Variants in CPEB1 observed in about 807,000 individuals in gnomAD.
CPEB1 encodes cytoplasmic polyadenylation element binding protein 1, also known as cytoplasmic polyadenylation element-binding protein 1.
A neutral mutation model predicts 65.8 loss-of-function variants in CPEB1; 7 were observed. The observed-to-expected ratio is 0.11, with a 90% CI of 0.06 to 0.20. CPEB1 has a LOEUF of 0.20. Ranked by LOEUF, CPEB1 falls within the 10% of genes least tolerant of loss-of-function variation. The probability of loss-of-function intolerance (pLI) is 1.00; values close to 1 mark genes in which losing one functional copy is unlikely to be tolerated. For synonymous variants in CPEB1, 262 were observed against 260.0 expected, an observed-to-expected ratio of 1.01 and a Z score of -0.08; for missense variants, 551 against 712.2, an observed-to-expected ratio of 0.77 and a Z score of 2.58.
intron 3 of CPEB1, 197 bp from the exon 4 acceptor site, chr15:82,571,729 C>G: frequency 1.4e-6 from 2 of 1,422,872 alleles, no homozygotes; most frequent in Non-Finnish European, 1.8e-6. Context: ...GCCCCCTCCC[C>G]TCACACACAC....
intron 3 of CPEB1, among the ~76,000 whole-genome samples, chr15:82,575,868 T>C (rs1389007930): frequency 1.3e-5 from 2 of 152,172 alleles, no homozygotes; most frequent in Non-Finnish European, 2.9e-5. Context: ...CGCTTATATA[T>C]TTTCTTCCTT....
At chr15:82,603,183 G>A (rs1354354713) in intron 3 of CPEB1, among the ~76,000 whole-genome samples, 1 of 151,886 alleles carries the variant, frequency 6.6e-6, no homozygotes, top group African/African-American at 2.4e-5. Context: ...AAAATTAGCA[G>A]CCTGGAAGCC....
rs2045411700 is a variant in CPEB1 at position 82,622,684 on chromosome 15, T to C, written c.271+4509A>G. ...TGAGATTACTACAGGCATGAGTCAC[T>C]GCACCCAGCCCACATCTCTTCTTCA... On this transcript the variant is annotated intron_variant, in intron 3 of 12. Coordinates refer to ENST00000684509, the MANE Select transcript of CPEB1 (RefSeq NM_001365242.1). Among the ~76,000 whole-genome samples the C allele has an allele frequency of 3.3e-5, 5 of 152,192 alleles. No homozygotes were observed. In the South Asian group the frequency reaches 1.0e-3, roughly 32 times the overall value.
intron 9 of CPEB1, among the ~76,000 whole-genome samples, chr15:82,550,778 A>G (rs903045863): frequency 7.9e-5 from 12 of 152,240 alleles, no homozygotes; most frequent in African/African-American, 2.9e-4. Flanking sequence ...CTAGAAAAGA[A>G]GAAGGGAGTC....
At chr15:82,578,481 T>C (rs1419960658) in intron 3 of CPEB1, among the ~76,000 whole-genome samples, 7 of 152,016 alleles carry the variant, frequency 4.6e-5, no homozygotes, top group African/African-American at 1.7e-4. Flanking sequence ...AAATTCCAAG[T>C]TGGTGGGCAC....
At chr15:82,571,227 A>G in intron 4 of CPEB1, 117 bp downstream of exon 4, 1 of 1,305,978 alleles carries the variant, frequency 7.7e-7, no homozygotes, top group Non-Finnish European at 1.0e-6. Flanking sequence ...TCCATGTTGT[A>G]TGTGTGTATG....
chr15:82,579,022 C>G (rs2040958280), intron 3 of CPEB1, among the ~76,000 whole-genome samples: 1 of 152,086 alleles, frequency 6.6e-6, no homozygotes, highest in Non-Finnish European at 1.5e-5. Context: ...AGGGTTTCAC[C>G]ATGTTGGCCA....
intron 3 of CPEB1, chr15:82,572,993 C>A: frequency 6.6e-7 from 1 of 1,516,484 alleles, no homozygotes; most frequent in Non-Finnish European, 8.8e-7. Flanking sequence ...GGCCCAGACT[C>A]ACCAGGCAGG....
At chr15:82,629,809 C>T in intron 1 of CPEB1, 1 of 985,364 alleles carries the variant, frequency 1.0e-6, no homozygotes, top group Non-Finnish European at 1.2e-6. Flanking sequence ...TACTAAAATC[C>T]AAGTGAGCAT....
chr15:82,574,626 CAGG>C (rs2040437195), intron 3 of CPEB1, among the ~76,000 whole-genome samples: 1 of 144,588 alleles, frequency 6.9e-6, no homozygotes, highest in South Asian at 2.1e-4. Flanking sequence ...GAGGCTGAGG[CAGG>C]AGAATTGCTT....
chr15:82,577,325 C>T (rs1054632230), intron 3 of CPEB1, among the ~76,000 whole-genome samples: 1 of 152,118 alleles, frequency 6.6e-6, no homozygotes, highest in East Asian at 1.9e-4. Flanking sequence ...TCTCAAAGTG[C>T]TGGGATTACA....
At chr15:82,563,491 C>T (rs1171747106) in intron 4 of CPEB1, among the ~76,000 whole-genome samples, 1 of 147,162 alleles carries the variant, frequency 6.8e-6, no homozygotes, top group African/African-American at 2.6e-5. Flanking sequence ...GGCATGCCAC[C>T]ATGTCTGACT....
chr15:82,624,381 T>A (rs2045572919), intron 3 of CPEB1, among the ~76,000 whole-genome samples: 2 of 152,156 alleles, frequency 1.3e-5, no homozygotes, highest in African/African-American at 4.8e-5. Context: ...ATAAGAAACC[T>A]GTGAGGCAGG....
intron 3 of CPEB1, among the ~76,000 whole-genome samples, chr15:82,616,317 T>C (rs985449513): frequency 6.6e-6 from 1 of 152,096 alleles, no homozygotes; most frequent in Non-Finnish European, 1.5e-5. Context: ...AAACGATGTT[T>C]ATGGACATAC....
chr15:82,590,772 A>T (rs1213515956), intron 3 of CPEB1, among the ~76,000 whole-genome samples: 1 of 151,980 alleles, frequency 6.6e-6, no homozygotes, highest in African/African-American at 2.4e-5. Context: ...GTGGTATTTG[A>T]TTTTGTGATC....
intron 3 of CPEB1, among the ~76,000 whole-genome samples, chr15:82,621,158 A>G (rs1463559392): frequency 2.0e-5 from 3 of 152,220 alleles, no homozygotes; most frequent in Non-Finnish European, 4.4e-5. Context: ...TAGTGACGAT[A>G]CGGTTTATGA....
chr15:82,557,980 C>G lies in CPEB1; in HGVS notation c.467G>C (p.Ser156Thr), dbSNP rs1411739407. The G allele has an allele frequency of 6.2e-7, 1 of 1,607,606 alleles. No homozygotes were observed. Among genetic ancestry groups the G allele is most frequent in the East Asian group, 2.2e-5 (1 of 44,824 alleles). Residue 156 changes from serine to threonine, a missense_variant, in exon 5 of 13, where the codon AGC (serine) becomes ACC (threonine). Physicochemically the swap from Ser to Thr is moderately conservative, Grantham distance 58. Around this residue, in one of 6 missense-constraint regions of CPEB1, gnomAD observed 223 missense variants for 228.6 expected, o/e 0.98. Coordinates refer to ENST00000684509, the MANE Select transcript of CPEB1 (RefSeq NM_001365242.1). The part of the protein sequence containing the change: ...SAQSSTHSVL[S>T]MLHNPLGNVL... ...ATTTCCCAGTGGGTTATGGAGCATG[C>G]TCAGTACTAGGAGGACAAAAAAGGA...
At chr15:82,611,494 T>G (rs1206550673) in intron 3 of CPEB1, among the ~76,000 whole-genome samples, 1 of 152,062 alleles carries the variant, frequency 6.6e-6, no homozygotes, top group Non-Finnish European at 1.5e-5. Context: ...CAGTGGCTCA[T>G]GCTTATAATC....
chr15:82,576,630 T>C lies in CPEB1; in HGVS notation c.272-5098A>G, dbSNP rs1037786461. On this transcript the variant is annotated intron_variant, in intron 3 of 12. Transcript: ENST00000684509. ...CACTTTGTAATTCTTTTAGCTTTTA[T>C]GTATGCTTGAAAATGTTACTAAAAT... Among the ~76,000 whole-genome samples the C allele has an allele frequency of 4.7e-4, 71 of 152,192 alleles. 1 individual carries two copies. Among genetic ancestry groups the C allele is most frequent in the African/African-American group, 1.5e-3 (61 of 41,440 alleles).
Sources: allele counts gnomAD v4.1 joint callset (sites outside exome capture counted in the v4.1 genomes callset), GRCh38; gene constraint gnomAD v4.1.1; regional missense constraint gnomAD v4.1.1; transcripts MANE v1.5; gene names NCBI Gene and HGNC (gene_info 2026-07-23, HGNC 2026-07-21).